The following TESPA1 variants were observed in gnomAD, a reference collection of about 807,000 sequenced individuals.
TESPA1 encodes thymocyte expressed, positive selection associated 1, also known as protein TESPA1.
In TESPA1, 33 loss-of-function variants were observed where a neutral mutation model predicts 57.9. The observed-to-expected ratio is 0.57, with a 90% confidence interval of 0.43 to 0.76. The LOEUF (loss-of-function observed/expected upper bound fraction) is 0.76. Ranked by LOEUF, TESPA1 falls within the 30% of genes least tolerant of loss-of-function variation. TESPA1 has a pLI of 0.00. For missense variants in TESPA1, 618 were observed against 632.9 expected (o/e 0.98, Z 0.25); for synonymous variants, 227 against 228.9 (o/e 0.99, Z 0.07).
In TESPA1 at chr12:54,981,709, G is replaced by A. The variant is rs948961399; in HGVS notation, c.-46+2876C>T. 23 of 152,334 alleles carry A rather than the reference G, an allele frequency of 1.5e-4. No individual in the cohort carries two copies. The East Asian group carries it at 4.2e-3, about 28-fold the overall frequency. 9.4% of individuals were successfully genotyped at this position (152,334 alleles called of 1,614,324 possible). ...AGGGAGAAAGAGAGAGAGAGAGGGA[G>A]GGAGAAGCAGGCTTGCCTGGAGTCA... is the stretch of plus-strand genomic sequence containing the variant. On this transcript the variant is annotated intron_variant, in intron 1 of 10. Transcript: ENST00000449076.
At chr12:54,977,455 C>A (rs562500608) in intron 1 of TESPA1, among the ~76,000 whole-genome samples, 1 of 152,272 alleles carries the variant, frequency 6.6e-6, no homozygotes, top group East Asian at 1.9e-4. Flanking sequence ...TTGTTTTTAT[C>A]CTAGAAGTTC....
At chr12:54,955,508 C>T (rs1333776194) in intron 10 of TESPA1, among the ~76,000 whole-genome samples, 1 of 152,148 alleles carries the variant, frequency 6.6e-6, no homozygotes, top group Non-Finnish European at 1.5e-5. Context: ...CACAGATGGC[C>T]ACTCCAATTA....
At chr12:54,961,425 C>T (rs564068444) in intron 9 of TESPA1, among the ~76,000 whole-genome samples, 158 bp from the exon 10 acceptor site, 33 of 152,274 alleles carry the variant, frequency 2.2e-4, no homozygotes, top group South Asian at 1.0e-3. Flanking sequence ...AAGGCAGGAG[C>T]GGAGGTGTAG....
upstream of TESPA1, among the ~76,000 whole-genome samples, chr12:54,985,161 C>G (rs1188937932): frequency 6.6e-6 from 1 of 152,174 alleles, no homozygotes; most frequent in Non-Finnish European, 1.5e-5. Context: ...CTGAGCCAGT[C>G]GCTCTGTGTT....
intron 9 of TESPA1, among the ~76,000 whole-genome samples, chr12:54,962,131 T>C (rs1387617448): frequency 6.6e-6 from 1 of 152,216 alleles, no homozygotes. Flanking sequence ...CTGCTCTCCA[T>C]TTGTAATCTC....
At chr12:54,959,782 G>T (rs2136079768) in intron 10 of TESPA1, among the ~76,000 whole-genome samples, 1 of 152,256 alleles carries the variant, frequency 6.6e-6, no homozygotes, top group Non-Finnish European at 1.5e-5. Context: ...TTGTTGTTTG[G>T]GTGGAGTGGC....
chr12:54,968,050 T>G (rs1371344268), intron 3 of TESPA1, 158 bp from the exon 4 acceptor site: 1 of 1,516,818 alleles, frequency 6.6e-7, no homozygotes, highest in Admixed American at 2.0e-5. Context: ...GAGTGGTTAC[T>G]TGTCTGAAAA....
chr12:54,972,963 A>T (rs1193716898), intron 3 of TESPA1, among the ~76,000 whole-genome samples: 1 of 152,198 alleles, frequency 6.6e-6, no homozygotes, highest in African/African-American at 2.4e-5. Flanking sequence ...CATAATTTAA[A>T]GTATCTCTGA....
At chr12:54,975,771 G>T (rs1394442848) in intron 1 of TESPA1, among the ~76,000 whole-genome samples, 1 of 152,168 alleles carries the variant, frequency 6.6e-6, no homozygotes, top group Non-Finnish European at 1.5e-5. Context: ...AAAACCATTA[G>T]TGAGGCATCC....
intron 9 of TESPA1, 127 bp from the exon 10 acceptor site, chr12:54,961,394 G>T: frequency 1.0e-6 from 1 of 958,466 alleles, no homozygotes; most frequent in Non-Finnish European, 1.6e-6. Flanking sequence ...CTTCTGTGGT[G>T]TCAGGGACAC....
In TESPA1 at chr12:54,948,300, C is replaced by A; in HGVS notation, c.*2092G>T. On this transcript the variant is annotated 3_prime_UTR_variant, in exon 11 of 11. Coordinates refer to ENST00000449076, the MANE Select transcript of TESPA1 (RefSeq NM_001136030.3). Reference sequence around the variant, plus strand: ...TTTGTGATTCTCCACTTGCTTCAGGCCATCTGGATGTATACATGCAGGTCA... The same window carrying A: ...TTTGTGATTCTCCACTTGCTTCAGGACATCTGGATGTATACATGCAGGTCA... The A allele has an allele frequency of 5.5e-6, 1 of 181,964 alleles. No homozygotes were observed. 11.3% of individuals were successfully genotyped at this position (181,964 alleles called of 1,614,324 possible). A position where few individuals can be genotyped will look rare whatever the true frequency, so the allele number is the denominator to read the frequency against.
In TESPA1 at chr12:54,962,810, C is replaced by A. The variant is rs1951171420; in HGVS notation, c.1088G>T (p.Cys363Phe). 2.5e-6 allele frequency: 4 copies of A among 1,613,946 alleles called. No homozygotes were observed. The highest frequency in any genetic ancestry group is 3.4e-6 in the Non-Finnish European group (4 of 1,179,878). The change falls in exon 9 of 11, where the codon TGC (cysteine) becomes TTC (phenylalanine). Residue 363 changes from cysteine to phenylalanine, a missense_variant. Around this residue, in one of 3 missense-constraint regions of TESPA1, gnomAD observed 409 missense variants for 420.1 expected, o/e 0.97. Transcript: ENST00000449076. ...LPTSPYPCVF[C>F]CEEETQQRMS... ...CCTCTGCTGTGTTTCCTCTTCACAG[C>A]AGAAGACACATGGATAGGGAGAAGT...
At chr12:54,954,008 T>A (rs910908734) in intron 10 of TESPA1, among the ~76,000 whole-genome samples, 1 of 152,218 alleles carries the variant, frequency 6.6e-6, no homozygotes, top group African/African-American at 2.4e-5. Context: ...GTATAATGCT[T>A]CTCTTGCTGG....
At chr12:54,965,859 T>C (rs1236411371) in intron 7 of TESPA1, among the ~76,000 whole-genome samples, 194 bp downstream of exon 7, 2 of 152,200 alleles carry the variant, frequency 1.3e-5, no homozygotes, top group Non-Finnish European at 2.9e-5. Context: ...CACATAGTAT[T>C]CAGCTCTGAG....
intron 1 of TESPA1, chr12:54,983,976 C>T (rs571888986): frequency 2.0e-5 from 3 of 152,210 alleles, no homozygotes; most frequent in Non-Finnish European, 2.9e-5. Flanking sequence ...TTGAGCCTCC[C>T]GGTGAATTTG....
chr12:54,975,009 T>C (rs372521077), intron 1 of TESPA1, among the ~76,000 whole-genome samples: 34 of 152,226 alleles, frequency 2.2e-4, no homozygotes, highest in East Asian at 7.7e-4. Context: ...TTACAACTTA[T>C]AAAATTCACT....
At chr12:54,965,903 C>A in intron 7 of TESPA1, 150 bp downstream of exon 7, 2 of 714,550 alleles carry the variant, frequency 2.8e-6, no homozygotes, top group Non-Finnish European at 4.6e-6. Context: ...ATTCTTGAAA[C>A]AAATATGGTC....
At position 54,962,601 on chromosome 12, in the gene TESPA1, T is replaced by G. The variant is rs1951156591; in HGVS notation, c.1297A>C (p.Lys433Gln). Residue 433 changes from lysine to glutamine, a missense_variant, in exon 9 of 11, where the codon AAA (lysine) becomes CAA (glutamine). Coordinates refer to ENST00000449076, the MANE Select transcript of TESPA1 (RefSeq NM_001136030.3). ...THPAKDETFW[K>Q]RKSRARKSLF... is the part of the protein sequence containing the mutation. ...CTCTTTCTTGCTCTGCTCTTTCTTT[T>G]CCAGAAAGTCTCATCCTTGGCTGGA... 3.7e-6 allele frequency: 6 copies of G among 1,613,998 alleles called. No homozygotes were observed. The highest frequency in any genetic ancestry group is 5.1e-6 in the Non-Finnish European group (6 of 1,179,894).
intron 3 of TESPA1, among the ~76,000 whole-genome samples, chr12:54,972,472 C>A (rs938070920): frequency 6.6e-6 from 1 of 152,132 alleles, no homozygotes; most frequent in African/African-American, 2.4e-5. Flanking sequence ...TATTTTAAAT[C>A]CTAGGACAGT....
Sources: allele counts gnomAD v4.1 joint callset (sites outside exome capture counted in the v4.1 genomes callset), GRCh38; gene constraint gnomAD v4.1.1; regional missense constraint gnomAD v4.1.1; transcripts MANE v1.5; gene names NCBI Gene and HGNC (gene_info 2026-07-23, HGNC 2026-07-21).